Variants in EXOSC10 observed in about 807,000 individuals in gnomAD.
EXOSC10 encodes exosome complex component 10.
EXOSC10 carries 94 observed loss-of-function variants against 126.6 expected under a neutral mutation model. The observed-to-expected ratio is 0.74, with a 90% CI of 0.63 to 0.88. The LOEUF (loss-of-function observed/expected upper bound fraction) is 0.88, where lower values mean the gene tolerates loss of function less well. EXOSC10 is among the 40% of genes least tolerant of loss of function. The probability of loss-of-function intolerance (pLI) is 0.00; values close to 1 mark genes in which losing one functional copy is unlikely to be tolerated. For synonymous variants in EXOSC10, 395 were observed against 400.8 expected (o/e 0.99, Z 0.17); for missense variants, 1,041 against 1,100.5 (o/e 0.95, Z 0.77).
At chr1:11,093,268 A>G (rs566309139) in intron 3 of EXOSC10, among the ~76,000 whole-genome samples, 4 of 152,328 alleles carry the variant, frequency 2.6e-5, no homozygotes, top group Admixed American at 2.0e-4. Flanking sequence ...GGCCACTAAA[A>G]TAACTAAGAA....
chr1:11,074,750 TA>T (rs1478024212), intron 17 of EXOSC10, among the ~76,000 whole-genome samples: 1 of 152,146 alleles, frequency 6.6e-6, no homozygotes, highest in African/African-American at 2.4e-5. Context: ...TGGCTAAGGC[TA>T]ATTTTTCATA....
intron 6 of EXOSC10, among the ~76,000 whole-genome samples, chr1:11,090,020 T>G (rs1308352657): frequency 7.0e-6 from 1 of 142,904 alleles, no homozygotes; most frequent in Non-Finnish European, 1.5e-5. Context: ...TTTTTTGAGA[T>G]GGAGTCTTAC....
At chr1:11,068,895 GT>G in intron 22 of EXOSC10, 189 bp from the exon 23 acceptor site, 1 of 602,362 alleles carries the variant, frequency 1.7e-6, no homozygotes, top group Non-Finnish European at 3.0e-6. Context: ...CCTGTGGGCA[GT>G]CTGAAAACCA....
chr1:11,094,658 T>A (rs983697131), intron 3 of EXOSC10, among the ~76,000 whole-genome samples: 1 of 147,290 alleles, frequency 6.8e-6, no homozygotes, highest in Non-Finnish European at 1.5e-5. Context: ...TGGAGTGCAG[T>A]GGCATGATCG....
At chr1:11,085,996 T>G (rs1346119958) in intron 9 of EXOSC10, among the ~76,000 whole-genome samples, 2 of 151,566 alleles carry the variant, frequency 1.3e-5, no homozygotes, top group African/African-American at 4.8e-5. Context: ...GGATAAGCTT[T>G]TTGATGTGCT....
At position 11,067,078 on chromosome 1, in the gene EXOSC10, A is replaced by G. The variant is rs573274999; in HGVS notation, c.2628-330T>C. 2.8e-4 allele frequency among the ~76,000 whole-genome samples: 42 copies of G among 152,272 alleles called. No homozygotes were observed. In the South Asian group the frequency reaches 5.8e-3, roughly 21 times the overall value. ...CTGGGAGGCCAAGGCGGGAGGATCA[A>G]TTGAGGCCAGGAGTTTGAGACCAGC... is the stretch of plus-strand genomic sequence containing the variant. On this transcript the variant is annotated intron_variant, in intron 24 of 24. Coordinates refer to ENST00000376936, the MANE Select transcript of EXOSC10 (RefSeq NM_001001998.3).
intron 3 of EXOSC10, among the ~76,000 whole-genome samples, chr1:11,094,603 C>CTT (rs772853273): frequency 0.051 from 6,478 of 127,964 alleles, 281 homozygotes; most frequent in East Asian, 0.14. Flanking sequence ...GCCAGGCCAC[C>CTT]TTTTTTTTTT....
chr1:11,096,679 A>G (rs1218179521), intron 2 of EXOSC10, among the ~76,000 whole-genome samples: 1 of 150,512 alleles, frequency 6.6e-6, no homozygotes, highest in African/African-American at 2.4e-5. Context: ...GAGTCTCCCT[A>G]CGTTGCCCAG....
intron 2 of EXOSC10, among the ~76,000 whole-genome samples, chr1:11,096,749 G>A (rs972085562): frequency 1.3e-5 from 2 of 152,040 alleles, no homozygotes; most frequent in Admixed American, 6.6e-5. Flanking sequence ...AAAGCACTAG[G>A]ATTACAGGCA....
At chr1:11,067,919 G>A (rs1639203728) in intron 24 of EXOSC10, 89 bp downstream of exon 24, 13 of 1,131,546 alleles carry the variant, frequency 1.1e-5, no homozygotes, top group African/African-American at 3.1e-5. Flanking sequence ...CTGGACACTC[G>A]CTCCCCAGCT....
chr1:11,082,546 G>A, intron 10 of EXOSC10, 142 bp downstream of exon 10: 2 of 1,497,536 alleles, frequency 1.3e-6, no homozygotes, highest in Non-Finnish European at 1.8e-6. Context: ...CTTTTACGCT[G>A]CTGAAGATGC....
At chr1:11,067,231 A>G (rs1639148179) in intron 24 of EXOSC10, among the ~76,000 whole-genome samples, 1 of 152,194 alleles carries the variant, frequency 6.6e-6, no homozygotes, top group Non-Finnish European at 1.5e-5. Context: ...GGAGATCGAG[A>G]CCATCCTGGC....
intron 2 of EXOSC10, among the ~76,000 whole-genome samples, chr1:11,097,305 G>A (rs1641162061): frequency 6.6e-6 from 1 of 151,974 alleles, no homozygotes; most frequent in Non-Finnish European, 1.5e-5. Flanking sequence ...TTGAACCTGG[G>A]AGGCGCAGGT....
At chr1:11,090,951 C>T (rs1024136713) in intron 5 of EXOSC10, 63 bp downstream of exon 5, 28 of 1,547,940 alleles carry the variant, frequency 1.8e-5, no homozygotes, top group Non-Finnish European at 2.5e-5. Context: ...ACCTGTACAC[C>T]CTTCCTGGTT....
intron 21 of EXOSC10, among the ~76,000 whole-genome samples, chr1:11,070,464 G>A (rs1230279886): frequency 6.8e-6 from 1 of 147,516 alleles, no homozygotes; most frequent in East Asian, 2.0e-4. Flanking sequence ...TGAGGCTGTA[G>A]TGAGCTGCAA....
At chr1:11,087,962 A>G (rs1178459315) in intron 7 of EXOSC10, 52 bp from the exon 8 acceptor site, 2 of 1,313,804 alleles carry the variant, frequency 1.5e-6, no homozygotes, top group Non-Finnish European at 2.2e-6. Context: ...ATCATCCCCC[A>G]GTAAAGTACA....
rs535086287 is a variant in EXOSC10 at position 11,067,951 on chromosome 1, G to A, written c.2627+57C>T. 13 of 1,494,172 alleles carry A rather than the reference G, an allele frequency of 8.7e-6. No individual in the cohort carries two copies. The African/African-American group carries it at 9.6e-5, about 11-fold the overall frequency. 92.6% of individuals were successfully genotyped at this position (1,494,172 alleles called of 1,614,324 possible). On this transcript the variant is annotated intron_variant, in intron 24 of 24. Coordinates refer to ENST00000376936, the MANE Select transcript of EXOSC10 (RefSeq NM_001001998.3). Reference sequence around the variant, plus strand: ...AGCTACTCCCCACGGACCACACCACGCAGGGCAGGTGCTTTCTCACTGGGC... The same window carrying A: ...AGCTACTCCCCACGGACCACACCACACAGGGCAGGTGCTTTCTCACTGGGC...
intron 14 of EXOSC10, among the ~76,000 whole-genome samples, chr1:11,079,132 C>G (rs1639992217): frequency 6.6e-6 from 1 of 151,926 alleles, no homozygotes; most frequent in African/African-American, 2.4e-5. Flanking sequence ...GAGTTCGAGA[C>G]CAGCCTGGCC....
intron 22 of EXOSC10, chr1:11,068,997 T>C: frequency 2.2e-6 from 1 of 449,798 alleles, no homozygotes; most frequent in South Asian, 2.9e-5. Context: ...TTCTGATCTC[T>C]GTGCTGGGTG....
Sources: allele counts gnomAD v4.1 joint callset (sites outside exome capture counted in the v4.1 genomes callset), GRCh38; gene constraint gnomAD v4.1.1; transcripts MANE v1.5; gene names NCBI Gene and HGNC (gene_info 2026-07-23, HGNC 2026-07-21).